MCM8: variants seen among roughly 807,000 people sequenced by gnomAD.
MCM8 encodes minichromosome maintenance 8 homologous recombination repair factor, also known as DNA helicase MCM8.
Under a neutral mutation model 98.9 loss-of-function variants are expected in MCM8, and 85 were observed. That is an observed-to-expected ratio of 0.86 (90% CI 0.72 to 1.03). The LOEUF is 1.03. Among genes scored for constraint, MCM8 ranks in the 50% least tolerant of loss-of-function variants. The probability of loss-of-function intolerance (pLI) is 0.00; values close to 1 mark genes in which losing one functional copy is unlikely to be tolerated. For synonymous variants in MCM8, 352 were observed against 338.6 expected, an observed-to-expected ratio of 1.04 and a Z score of -0.44; for missense variants, 951 against 997.8, an observed-to-expected ratio of 0.95 and a Z score of 0.63.
At chr20:5,982,731 CAT>C (rs1339989334) in intron 13 of MCM8, among the ~76,000 whole-genome samples, 3 of 152,170 alleles carry the variant, frequency 2.0e-5, no homozygotes, top group Non-Finnish European at 4.4e-5. Context: ...ATCCTCACAA[CAT>C]AGTGCTGTGC....
rs376889978 is a variant in MCM8 at position 5,983,340 on chromosome 20, C to T, written c.1733+175C>T. ...CACTGCAGAGTAAAACAATGAAGTA[C>T]GAATGAGATCCACCAGATTGGCAAA... is the stretch of plus-strand genomic sequence containing the variant. On this transcript the variant is annotated intron_variant, in intron 14 of 18. Coordinates refer to ENST00000610722, the MANE Select transcript of MCM8 (RefSeq NM_032485.6). Among the ~76,000 whole-genome samples, 10 of 152,250 alleles carry T rather than the reference C, an allele frequency of 6.6e-5. No individual in the cohort carries two copies. In the South Asian group the frequency reaches 1.0e-3, roughly 16 times the overall value.
chr20:5,967,952 G>T lies in MCM8; in HGVS notation c.1150G>T (p.Glu384Ter). ...EDGCKHGMLMEFSLKDLYAIQ... is the reference protein window; with the variant it reads ...EDGCKHGMLM ...TGGGTGTAAGCATGGAATGTTGATG[G>T]AGTTCTCACTTAAAGACCTTTATGC... The change falls in exon 10 of 19, where the codon GAG becomes TAG. Residue 384 changes from glutamate to a stop codon, truncating the protein, a stop_gained. Transcript: ENST00000610722. LOFTEE classifies it high-confidence loss of function. 1.9e-6 allele frequency: 3 copies of T among 1,614,122 alleles called. No individual in the cohort carries two copies. Among genetic ancestry groups the T allele is most frequent in the Non-Finnish European group, 2.5e-6 (3 of 1,180,016 alleles).
intron 12 of MCM8, among the ~76,000 whole-genome samples, chr20:5,973,575 A>G (rs2089448923): frequency 6.6e-6 from 1 of 152,224 alleles, no homozygotes; most frequent in Non-Finnish European, 1.5e-5. Flanking sequence ...GTACATAAAC[A>G]CTGTATTGGG....
At position 5,958,602 on chromosome 20, in the gene MCM8, G is replaced by C; in HGVS notation, c.665G>C (p.Arg222Thr). The C allele has an allele frequency of 1.2e-6, 2 of 1,614,138 alleles. No homozygotes were observed. The highest frequency in any genetic ancestry group is 1.7e-6 in the Non-Finnish European group (2 of 1,180,014). ...ANYYGKYIAL[R>T]GTVVRVSNIK... ...TACTATGGAAAATACATTGCTCTAA[G>C]AGGGACAGTGGTTCGTGTCAGTAAT... Residue 222 changes from arginine to threonine, a missense_variant, in exon 7 of 19, where the codon AGA becomes ACA. Arg to Thr is a moderately conservative substitution (Grantham distance 71, BLOSUM62 -1). Coordinates refer to ENST00000610722, the MANE Select transcript of MCM8 (RefSeq NM_032485.6).
intron 17 of MCM8, among the ~76,000 whole-genome samples, chr20:5,987,913 C>T (rs236108): frequency 0.23 from 34,910 of 151,928 alleles, 5,764 homozygotes; most frequent in African/African-American, 0.47. Context: ...TTCTCAGAAG[C>T]GATATTTCTG....
intron 10 of MCM8, among the ~76,000 whole-genome samples, chr20:5,969,679 G>A (rs2122730192): frequency 1.3e-5 from 2 of 151,734 alleles, no homozygotes; most frequent in South Asian, 4.2e-4. Flanking sequence ...TTTTCTTTCT[G>A]GCTTTAATAT....
intron 2 of MCM8, 126 bp downstream of exon 2, chr20:5,952,289 G>T: frequency 6.4e-7 from 1 of 1,555,086 alleles, no homozygotes; most frequent in South Asian, 1.2e-5. Context: ...GTAAGTATTT[G>T]AACATTGATG....
At chr20:5,965,741 A>AT (rs2089261855) in intron 8 of MCM8, among the ~76,000 whole-genome samples, 1 of 151,990 alleles carries the variant, frequency 6.6e-6, no homozygotes, top group Non-Finnish European at 1.5e-5. Context: ...TTAGTACTTT[A>AT]TTTTTCCTAA....
chr20:5,952,751 A>G (rs1266063960), intron 3 of MCM8, among the ~76,000 whole-genome samples: 1 of 152,250 alleles, frequency 6.6e-6, no homozygotes, highest in African/African-American at 2.4e-5. Context: ...GGGACTTAAT[A>G]CAAGAAATTG....
intron 8 of MCM8, 24 bp from the exon 9 acceptor site, chr20:5,967,412 C>A: frequency 2.5e-6 from 4 of 1,603,858 alleles, no homozygotes; most frequent in Non-Finnish European, 3.4e-6. Flanking sequence ...AGTATTCTAA[C>A]TGAAAACTAT....
intron 1 of MCM8, among the ~76,000 whole-genome samples, chr20:5,951,424 A>G (rs2088819049): frequency 6.6e-6 from 1 of 151,558 alleles, no homozygotes; most frequent in African/African-American, 2.4e-5. Context: ...TTGATAATGA[A>G]TTGCACTGCA....
At position 5,967,492 on chromosome 20, in the gene MCM8, T is replaced by C. The variant is rs1045642374; in HGVS notation, c.932T>C (p.Ile311Thr). The C allele has an allele frequency of 9.3e-6, 15 of 1,613,788 alleles. No individual in the cohort carries two copies. The highest frequency in any genetic ancestry group is 1.2e-5 in the Non-Finnish European group (14 of 1,179,822). The change falls in exon 9 of 19, where the codon ATA becomes ACA. Residue 311 changes from isoleucine (I) to threonine (T), a missense_variant. By Grantham distance (89) the Ile-to-Thr change is moderately conservative (BLOSUM62 -1). Coordinates refer to ENST00000610722, the MANE Select transcript of MCM8 (RefSeq NM_032485.6). The stretch of plus-strand genomic sequence containing the variant: ...GAAGCAGGTCGGATTCCACGAACAA[T>C]AGAATGTGAGCTTGTTCATGATCTT... ...QREAGRIPRTIECELVHDLVD... is the reference protein window; with the variant it reads ...QREAGRIPRTTECELVHDLVD...
At chr20:5,972,565 A>T (rs539708372) in intron 11 of MCM8, 4 of 339,078 alleles carry the variant, frequency 1.2e-5, no homozygotes, top group African/African-American at 6.7e-5. Flanking sequence ...TTATTTATTT[A>T]TTTTTTTGAG....
At position 5,994,339 on chromosome 20, in the gene MCM8, AGGG is replaced by A. The variant is rs781253595; in HGVS notation, c.2472_2474del (p.Gln824_Gly825delinsHis). ...AATTTTATTGGATCACTAAATGACC[AGGG>A]TTACCTCTTGAAAAAAGGCCCAAAA... is the stretch of plus-strand genomic sequence containing the variant. On this transcript the variant is annotated inframe_deletion, in exon 19 of 19. Transcript: ENST00000610722. 28 of 1,607,366 alleles carry A rather than the reference AGGG, an allele frequency of 1.7e-5. No individual in the cohort carries two copies. In the South Asian group the frequency reaches 3.0e-4, roughly 17 times the overall value.
At position 5,977,829 on chromosome 20, in the gene MCM8, C is replaced by CTT. The variant is rs763475520; in HGVS notation, c.1396-46_1396-45dup. 1.0e-5 allele frequency: 16 copies of CTT among 1,602,328 alleles called. No homozygotes were observed. The South Asian group carries it at 1.6e-4, about 16-fold the overall frequency. ...TGTGAGCAACTGCTGTTAGCTATTACTTCCCTTTTACTTTGGATGATTCTC... is the reference window on the plus strand; with the variant it reads ...TGTGAGCAACTGCTGTTAGCTATTACTTTTCCCTTTTACTTTGGATGATTCTC... On this transcript the variant is annotated intron_variant, in intron 12 of 18. Coordinates refer to ENST00000610722, the MANE Select transcript of MCM8 (RefSeq NM_032485.6).
intron 12 of MCM8, among the ~76,000 whole-genome samples, chr20:5,974,752 T>C (rs996056559): frequency 2.0e-5 from 3 of 152,350 alleles, no homozygotes; most frequent in Admixed American, 2.0e-4. Flanking sequence ...GTCCTTCATA[T>C]CTGAGTCATC....
intron 6 of MCM8, 73 bp from the exon 7 acceptor site, chr20:5,958,455 T>A: frequency 2.7e-6 from 3 of 1,103,032 alleles, no homozygotes; most frequent in Non-Finnish European, 4.1e-6. Context: ...ATTCCATAGT[T>A]GCTCCTAAAA....
At chr20:5,957,393 C>T (rs2089015087) in intron 6 of MCM8, among the ~76,000 whole-genome samples, 164 bp downstream of exon 6, 1 of 152,176 alleles carries the variant, frequency 6.6e-6, no homozygotes, top group Non-Finnish European at 1.5e-5. Flanking sequence ...GAAAATTATT[C>T]AAAGACATCA....
At position 5,963,363 on chromosome 20, in the gene MCM8, A is replaced by T; in HGVS notation, c.875+4A>T. 6.2e-7 allele frequency: 1 copy of T among 1,612,264 alleles called. No homozygotes were observed. The highest frequency in any genetic ancestry group is 8.5e-7 in the Non-Finnish European group (1 of 1,178,520). On this transcript the variant is annotated splice_donor_region_variant and intron_variant, in intron 8 of 18. Transcript: ENST00000610722. The stretch of plus-strand genomic sequence containing the variant: ...CGATGGACTGGCAGTCAATCAAGTA[A>T]GCGATCAGACTGTTACATAAAAGGC...
Sources: allele counts gnomAD v4.1 joint callset (sites outside exome capture counted in the v4.1 genomes callset), GRCh38; gene constraint gnomAD v4.1.1; transcripts MANE v1.5; gene names NCBI Gene and HGNC (gene_info 2026-07-23, HGNC 2026-07-21).